The following SCUBE3 variants were observed in gnomAD, a reference collection of about 807,000 sequenced individuals.
The protein encoded by SCUBE3 is signal peptide, CUB domain and EGF like domain containing 3.
Under a neutral mutation model 116.8 loss-of-function variants are expected in SCUBE3, and 33 were observed. The ratio of observed to expected loss-of-function variants is 0.28; its 90% CI spans 0.21 to 0.38. The LOEUF is 0.38. Among genes scored for constraint, SCUBE3 ranks in the 10% least tolerant of loss-of-function variants. SCUBE3 has a pLI of 1.00. For missense variants in SCUBE3, 1,007 were observed against 1,324.8 expected, an observed-to-expected ratio of 0.76 and a Z score of 3.72; for synonymous variants, 418 against 496.9, an observed-to-expected ratio of 0.84 and a Z score of 2.11.
chr6:35,240,336 C>A lies in SCUBE3; in HGVS notation c.953-38C>A. The A allele has an allele frequency of 7.4e-7, 1 of 1,358,966 alleles. No individual in the cohort carries two copies. 84.2% of individuals were successfully genotyped at this position (1,358,966 alleles called of 1,614,324 possible). On this transcript the variant is annotated intron_variant, in intron 8 of 21. Transcript: ENST00000274938. This position sits in a 1 kb window ranked among gnomAD's most constrained non-coding sequence, Gnocchi z 4.6. ...TCACCTGAGCAAGGGTCAAGTGCTC[C>A]AAGACAGATTCAGTGGCTTGAATCT...
In SCUBE3 at chr6:35,232,713, G is replaced by C; in HGVS notation, c.470-137G>C. The C allele has an allele frequency of 2.5e-6, 2 of 807,242 alleles. No homozygotes were observed. Among genetic ancestry groups the C allele is most frequent in the South Asian group, 3.3e-5 (2 of 60,472 alleles). 50.0% of individuals were successfully genotyped at this position (807,242 alleles called of 1,614,324 possible). Reference sequence around the variant, plus strand: ...GGGAAGACAGGAGGCCTGGGACAAGGAGAGTCAGTCCCCTCGTGTTGAATT... The same window carrying C: ...GGGAAGACAGGAGGCCTGGGACAAGCAGAGTCAGTCCCCTCGTGTTGAATT... On this transcript the variant is annotated intron_variant, in intron 4 of 21. Transcript: ENST00000274938. The surrounding 1 kb of genome is among the most constrained non-coding windows in gnomAD (Gnocchi z 4.2).
Position 35,241,339 on chromosome 6 carries a change from G to T in SCUBE3, c.1195+73G>T. On this transcript the variant is annotated intron_variant, in intron 10 of 21. Coordinates refer to ENST00000274938, the MANE Select transcript of SCUBE3 (RefSeq NM_152753.4). The surrounding 1 kb of genome is among the most constrained non-coding windows in gnomAD (Gnocchi z 4.1). The stretch of plus-strand genomic sequence containing the variant: ...AGCAGTTGGGGTTCTGGAAAGCATA[G>T]AGTATCACATTGGGGAAAGGTGTGA... The T allele has an allele frequency of 1.3e-6, 2 of 1,494,114 alleles. No homozygotes were observed. The highest frequency in any genetic ancestry group is 2.3e-5 in the East Asian group (1 of 43,912). 92.6% of individuals were successfully genotyped at this position (1,494,114 alleles called of 1,614,324 possible). A position where few individuals can be genotyped will look rare whatever the true frequency, so the allele number is the denominator to read the frequency against.
chr6:35,233,278 A>G lies in SCUBE3; in HGVS notation c.689A>G (p.His230Arg), dbSNP rs773694166. Residue 230 changes from histidine to arginine, a missense_variant, in exon 6 of 22, where the codon CAT becomes CGT. Physicochemically the swap from His to Arg is conservative, Grantham distance 29. This residue lies in a region of SCUBE3 where 214 missense variants were observed against 316.7 expected (regional missense o/e 0.68). Coordinates refer to ENST00000274938, the MANE Select transcript of SCUBE3 (RefSeq NM_152753.4). The surrounding 1 kb of genome is among the most constrained non-coding windows in gnomAD (Gnocchi z 5.7). The stretch of plus-strand genomic sequence containing the variant: ...GGCTGCCATATCAAGTTTGTGCTCC[A>G]TACCGACGGGAAGACATGCATCGGT... ...RCGCHIKFVLHTDGKTCIETC... is the reference protein window; with the variant it reads ...RCGCHIKFVLRTDGKTCIETC... 1.9e-6 allele frequency: 3 copies of G among 1,611,938 alleles called. No homozygotes were observed. The highest frequency in any genetic ancestry group is 2.5e-6 in the Non-Finnish European group (3 of 1,178,146).
chr6:35,238,262 T>G (rs1783864937), intron 7 of SCUBE3, among the ~76,000 whole-genome samples: 1 of 152,084 alleles, frequency 6.6e-6, no homozygotes, highest in Non-Finnish European at 1.5e-5. Flanking sequence ...CTCATTCCTA[T>G]CCCCCATGGG....
Position 35,239,967 on chromosome 6 carries a change from T to C in SCUBE3, c.952+93T>C, listed in dbSNP as rs1427178247. The C allele has an allele frequency of 7.2e-6, 8 of 1,115,154 alleles. No homozygotes were observed. Among genetic ancestry groups the C allele is most frequent in the African/African-American group, 1.6e-5 (1 of 62,562 alleles). The allele number at this position is 1,115,154 out of a possible 1,614,324, so 69.1% of individuals were successfully genotyped here. ...GAGGGCTAAAGTCTTAGAAACTCAATAGATATCACACAGAGTCTCTAGAGG... is the reference window on the plus strand; with the variant it reads ...GAGGGCTAAAGTCTTAGAAACTCAACAGATATCACACAGAGTCTCTAGAGG... On this transcript the variant is annotated intron_variant, in intron 8 of 21. Coordinates refer to ENST00000274938, the MANE Select transcript of SCUBE3 (RefSeq NM_152753.4). The surrounding 1 kb of genome is among the most constrained non-coding windows in gnomAD (Gnocchi z 4.1).
At chr6:35,238,312 T>C (rs1404802649) in intron 7 of SCUBE3, among the ~76,000 whole-genome samples, 2 of 152,178 alleles carry the variant, frequency 1.3e-5, no homozygotes, top group Non-Finnish European at 2.9e-5. Context: ...GATTCACATT[T>C]GCTCCTGGGT....
At position 35,245,344 on chromosome 6, in the gene SCUBE3, C is replaced by T. The variant is rs1464548360; in HGVS notation, c.2518C>T (p.Arg840Cys). The T allele has an allele frequency of 1.1e-5, 18 of 1,614,044 alleles. No individual in the cohort carries two copies. The highest frequency in any genetic ancestry group is 3.3e-5 in the Admixed American group (2 of 60,008). The stretch of plus-strand genomic sequence containing the variant: ...CTGGAACATCAACCCCCCACCCAAG[C>T]GCAAGATCCTTATCGTGGTACCAGA... ...CIWNINPPPKRKILIVVPEIF... is the reference protein window; with the variant it reads ...CIWNINPPPKCKILIVVPEIF... The change falls in exon 19 of 22, where the codon CGC (arginine) becomes TGC (cysteine). Residue 840 changes from arginine (R) to cysteine (C), a missense_variant. Arg to Cys is a radical substitution (Grantham distance 180). This residue lies in a region of SCUBE3 where 118 missense variants were observed against 196.6 expected (regional missense o/e 0.60). Transcript: ENST00000274938. This position sits in a 1 kb window ranked among gnomAD's most constrained non-coding sequence, Gnocchi z 4.2.
At position 35,235,278 on chromosome 6, in the gene SCUBE3, C is replaced by G. The variant is rs1179982480; in HGVS notation, c.712+1977C>G. ...TGGCATCTTTGGGGATACCACCAGA[C>G]AGGATAAGGATGAGGAGTGAAGCTG... On this transcript the variant is annotated intron_variant, in intron 6 of 21. Coordinates refer to ENST00000274938, the MANE Select transcript of SCUBE3 (RefSeq NM_152753.4). The surrounding 1 kb of genome is among the most constrained non-coding windows in gnomAD (Gnocchi z 4.5). Among the ~76,000 whole-genome samples the G allele has an allele frequency of 6.6e-6, 1 of 151,714 alleles. No homozygotes were observed. The highest frequency in any genetic ancestry group is 1.5e-5 in the Non-Finnish European group (1 of 68,000).
rs926787722 is a variant in SCUBE3, at chr6:35,249,876, T to A, written c.*1171T>A. On this transcript the variant is annotated 3_prime_UTR_variant, in exon 22 of 22. Coordinates refer to ENST00000274938, the MANE Select transcript of SCUBE3 (RefSeq NM_152753.4). ...GCCCACCCTGTCCACACCTAATAAG[T>A]GCAATCATTTTGAGTCTTTCTATGT... is the stretch of plus-strand genomic sequence containing the variant. The A allele has an allele frequency of 1.3e-5, 2 of 152,674 alleles. No homozygotes were observed. Among genetic ancestry groups the A allele is most frequent in the African/African-American group, 2.4e-5 (1 of 41,464 alleles). 9.5% of individuals were successfully genotyped at this position (152,674 alleles called of 1,614,324 possible).
rs546181488 is a variant in SCUBE3 at position 35,233,664 on chromosome 6, C to T, written c.712+363C>T. ...ATCTGGGGAAATGCATCTGCTTAGG[C>T]CTGACCAGAGGCCCTTGGTTGACTA... On this transcript the variant is annotated intron_variant, in intron 6 of 21. Transcript: ENST00000274938. This position sits in a 1 kb window ranked among gnomAD's most constrained non-coding sequence, Gnocchi z 5.7. Among the ~76,000 whole-genome samples, 1 of 152,268 alleles carries T rather than the reference C, an allele frequency of 6.6e-6. No individual in the cohort carries two copies. Among genetic ancestry groups the T allele is most frequent in the East Asian group, 1.9e-4 (1 of 5,180 alleles).
At chr6:35,247,551 A>G (rs1784399306) in intron 21 of SCUBE3, among the ~76,000 whole-genome samples, 1 of 152,242 alleles carries the variant, frequency 6.6e-6, no homozygotes. Context: ...CATCAAAATA[A>G]AAGCCTTGAC....
rs971707533 is a variant in SCUBE3 at position 35,241,473 on chromosome 6, G to T, written c.1196-70G>T. Reference sequence around the variant, plus strand: ...TACAACAATAGTTATGCAAGTAGCTGATTCCTCCAAATTACCCAACTGAGG... The same window carrying T: ...TACAACAATAGTTATGCAAGTAGCTTATTCCTCCAAATTACCCAACTGAGG... On this transcript the variant is annotated intron_variant, in intron 10 of 21. Coordinates refer to ENST00000274938, the MANE Select transcript of SCUBE3 (RefSeq NM_152753.4). The surrounding 1 kb of genome is among the most constrained non-coding windows in gnomAD (Gnocchi z 4.1). 2.5e-6 allele frequency: 3 copies of T among 1,218,682 alleles called. No homozygotes were observed. The Admixed American group carries it at 5.1e-5, about 21-fold the overall frequency. The allele number at this position is 1,218,682 out of a possible 1,614,324, so 75.5% of individuals were successfully genotyped here. A position where few individuals can be genotyped will look rare whatever the true frequency, so the allele number is the denominator to read the frequency against.
chr6:35,228,513 C>G lies in SCUBE3; in HGVS notation c.209-101C>G. 8.2e-7 allele frequency: 1 copy of G among 1,218,720 alleles called. No homozygotes were observed. The highest frequency in any genetic ancestry group is 1.2e-6 in the Non-Finnish European group (1 of 859,056). The allele number at this position is 1,218,720 out of a possible 1,614,324, so 75.5% of individuals were successfully genotyped here. On this transcript the variant is annotated intron_variant, in intron 2 of 21. Transcript: ENST00000274938. This position sits in a 1 kb window ranked among gnomAD's most constrained non-coding sequence, Gnocchi z 4.9. ...AGAAAAATGCTAAATGGCTTATAGGCCATGAACATAACTATGTAAACACAA... is the reference window on the plus strand; with the variant it reads ...AGAAAAATGCTAAATGGCTTATAGGGCATGAACATAACTATGTAAACACAA...
Position 35,240,270 on chromosome 6 carries a change from T to G in SCUBE3, c.953-104T>G. The G allele has an allele frequency of 1.6e-6, 1 of 627,762 alleles. No individual in the cohort carries two copies. Among genetic ancestry groups the G allele is most frequent in the Non-Finnish European group, 2.8e-6 (1 of 358,930 alleles). The allele number at this position is 627,762 out of a possible 1,614,324, so 38.9% of individuals were successfully genotyped here. A position where few individuals can be genotyped will look rare whatever the true frequency, so the allele number is the denominator to read the frequency against. On this transcript the variant is annotated intron_variant, in intron 8 of 21. Coordinates refer to ENST00000274938, the MANE Select transcript of SCUBE3 (RefSeq NM_152753.4). The surrounding 1 kb of genome is among the most constrained non-coding windows in gnomAD (Gnocchi z 4.6). ...GAGCTAGGACATGAATAGGAACTCT[T>G]CAGTTCAAGGGGGAAAGCCAAGGCC...
intron 1 of SCUBE3, chr6:35,223,753 TC>T (rs1194353081): frequency 6.6e-6 from 1 of 151,806 alleles, no homozygotes; most frequent in African/African-American, 2.4e-5. Context: ...CGTTGAAGGG[TC>T]CTTGCAAGGA....
At position 35,214,782 on chromosome 6, in the gene SCUBE3, T is replaced by C. The variant is rs1251609044; in HGVS notation, c.85+279T>C. On this transcript the variant is annotated intron_variant, in intron 1 of 21. Coordinates refer to ENST00000274938, the MANE Select transcript of SCUBE3 (RefSeq NM_152753.4). This position sits in a 1 kb window ranked among gnomAD's most constrained non-coding sequence, Gnocchi z 6.3. ...CAGAATTCCGCTCGACTTCATCCAC[T>C]CCCAGCATCTTCGAAAGACTTCTTG... Among the ~76,000 whole-genome samples, 2 of 152,176 alleles carry C rather than the reference T, an allele frequency of 1.3e-5. No individual in the cohort carries two copies. Among genetic ancestry groups the C allele is most frequent in the Non-Finnish European group, 2.9e-5 (2 of 68,034 alleles).
chr6:35,231,117 G>T lies in SCUBE3; in HGVS notation c.335-608G>T, dbSNP rs562626883. 6.6e-6 allele frequency among the ~76,000 whole-genome samples: 1 copy of T among 152,122 alleles called. No individual in the cohort carries two copies. Among genetic ancestry groups the T allele is most frequent in the Admixed American group, 6.5e-5 (1 of 15,282 alleles). ...TTTGTTAAGCCAAAATAGGAGAAAG[G>T]CTAGGGAATATGGCAGCAAGCCCAG... On this transcript the variant is annotated intron_variant, in intron 3 of 21. Coordinates refer to ENST00000274938, the MANE Select transcript of SCUBE3 (RefSeq NM_152753.4). This position sits in a 1 kb window ranked among gnomAD's most constrained non-coding sequence, Gnocchi z 4.2.
intron 12 of SCUBE3, 109 bp from the exon 13 acceptor site, chr6:35,242,095 C>A: frequency 2.2e-6 from 2 of 901,470 alleles, no homozygotes; most frequent in Non-Finnish European, 3.7e-6. Flanking sequence ...CATAATCTCA[C>A]TCCCCCAGCC....
Position 35,244,548 on chromosome 6 carries a change from T to C in SCUBE3, c.2240-102T>C. The C allele has an allele frequency of 1.1e-6, 1 of 923,144 alleles. No homozygotes were observed. The highest frequency in any genetic ancestry group is 1.7e-6 in the Non-Finnish European group (1 of 586,352). The allele number at this position is 923,144 out of a possible 1,614,324, so 57.2% of individuals were successfully genotyped here. ...CCCTAGAAAAGAACTTTGATGTATC[T>C]GATCTCCTGATTCTCCAGGATGAAT... is the stretch of plus-strand genomic sequence containing the variant. On this transcript the variant is annotated intron_variant, in intron 17 of 21. Transcript: ENST00000274938. The surrounding 1 kb of genome is among the most constrained non-coding windows in gnomAD (Gnocchi z 4.3).
Sources: allele counts gnomAD v4.1 joint callset (sites outside exome capture counted in the v4.1 genomes callset), GRCh38; gene constraint gnomAD v4.1.1; regional missense constraint gnomAD v4.1.1; non-coding constraint Gnocchi (gnomAD v3.1); transcripts MANE v1.5; gene names NCBI Gene and HGNC (gene_info 2026-07-23, HGNC 2026-07-21).